The following TCF4 variants were observed in gnomAD, a reference collection of about 807,000 sequenced individuals.
TCF4 encodes SL3-3 enhancer factor 2.
Under a neutral mutation model 82.1 loss-of-function variants are expected in TCF4, and 3 were observed. The ratio of observed to expected loss-of-function variants is 0.04; its 90% CI spans 0.02 to 0.09. The LOEUF is 0.09. Among genes scored for constraint, TCF4 ranks in the 10% least tolerant of loss-of-function variants. The pLI is 1.00. For missense variants in TCF4, 518 were observed against 852.7 expected, an observed-to-expected ratio of 0.61 and a Z score of 4.89; for synonymous variants, 276 against 309.6, an observed-to-expected ratio of 0.89 and a Z score of 1.14.
At chr18:55,574,649 A>C (rs967290727) in intron 3 of TCF4, among the ~76,000 whole-genome samples, 1 of 152,234 alleles carries the variant, frequency 6.6e-6, no homozygotes, top group Admixed American at 6.5e-5. Context: ...AACATCATTT[A>C]TTTCAAAAGT....
upstream of TCF4, chr18:55,589,230 G>T (rs541139632): frequency 9.8e-7 from 1 of 1,023,906 alleles, no homozygotes; most frequent in Non-Finnish European, 1.2e-6. Flanking sequence ...TAAAACATCG[G>T]GATCGACATT....
At chr18:55,631,334 C>T in exon 2 of TCF4, 2 of 1,546,892 alleles carry the variant, frequency 1.3e-6, no homozygotes, top group Non-Finnish European at 1.7e-6. Flanking sequence ...CAGGTGTGAG[C>T]CACCATGCCC....
chr18:55,348,742 T>C (rs1046823472), intron 8 of TCF4, among the ~76,000 whole-genome samples: 1 of 152,210 alleles, frequency 6.6e-6, no homozygotes, highest in Non-Finnish European at 1.5e-5. Context: ...TCTAGATTTC[T>C]GCCTAATCTT....
intron 2 of TCF4, among the ~76,000 whole-genome samples, chr18:55,622,305 G>A (rs1442451782): frequency 1.3e-5 from 2 of 150,736 alleles, no homozygotes; most frequent in East Asian, 2.0e-4. Flanking sequence ...TCAGGAGATC[G>A]AGACCATCCT....
rs148187944 is a variant in TCF4, at chr18:55,250,642, A to C, written c.1350+3855T>G. On this transcript the variant is annotated intron_variant, in intron 15 of 19. Transcript: ENST00000354452. ...CACTGGGCTGTTGTGAAGACTGCCT[A>C]AGACAACACATGCAGAGCGCCTAGC... Among the ~76,000 whole-genome samples, 146 of 152,322 alleles carry C rather than the reference A, an allele frequency of 9.6e-4. 2 individuals carry two copies. The highest frequency in any genetic ancestry group is 3.2e-3 in the African/African-American group (135 of 41,576).
At chr18:55,270,638 A>G (rs2060157396) in intron 10 of TCF4, among the ~76,000 whole-genome samples, 1 of 152,158 alleles carries the variant, frequency 6.6e-6, no homozygotes. Flanking sequence ...ATCCTCACAT[A>G]GCTGGCAATG....
At chr18:55,290,590 C>T (rs2064822480) in intron 8 of TCF4, among the ~76,000 whole-genome samples, 2 of 152,130 alleles carry the variant, frequency 1.3e-5, no homozygotes, top group African/African-American at 4.8e-5. Context: ...ATGCTAACTA[C>T]ATTATAGTTT....
chr18:55,585,914 T>A, intron 2 of TCF4: 1 of 1,239,264 alleles, frequency 8.1e-7, no homozygotes. Flanking sequence ...CTCTCCAGCA[T>A]TTATTTCGAC....
chr18:55,329,263 C>T (rs1041738054), intron 8 of TCF4, among the ~76,000 whole-genome samples: 1 of 152,092 alleles, frequency 6.6e-6, no homozygotes, highest in African/African-American at 2.4e-5. Context: ...TGTTCTTTAA[C>T]TCAAAATAAA....
intron 6 of TCF4, among the ~76,000 whole-genome samples, chr18:55,396,545 T>C (rs1461133741): frequency 1.3e-5 from 2 of 152,102 alleles, no homozygotes; most frequent in Non-Finnish European, 2.9e-5. Flanking sequence ...CTACTGATGA[T>C]CAACCTTGTG....
At chr18:55,355,391 T>C (rs2083258760) in intron 6 of TCF4, among the ~76,000 whole-genome samples, 1 of 152,178 alleles carries the variant, frequency 6.6e-6, no homozygotes, top group Admixed American at 6.5e-5. Context: ...CTAACAGCCA[T>C]GGGGAAGTTT....
rs555860723 is a variant in TCF4 at position 55,468,671 on chromosome 18, C to T, written c.146-4534G>A. Among the ~76,000 whole-genome samples the T allele has an allele frequency of 5.0e-4, 76 of 152,250 alleles. 1 individual carries two copies. Among genetic ancestry groups the T allele is most frequent in the Non-Finnish European group, 8.8e-4 (60 of 68,010 alleles). ...GACACAAATAACATCTTGTGTGGTA[C>T]TGTACAATGGTGGGCTCATTAGTTC... On this transcript the variant is annotated intron_variant, in intron 3 of 19. Transcript: ENST00000354452.
At chr18:55,527,849 G>A (rs932248567) in intron 3 of TCF4, among the ~76,000 whole-genome samples, 5 of 152,008 alleles carry the variant, frequency 3.3e-5, no homozygotes, top group Admixed American at 1.3e-4. Flanking sequence ...GGTCAAAAAC[G>A]TATTTTCTGT....
At chr18:55,595,032 C>T (rs1012341061) in intron 2 of TCF4, among the ~76,000 whole-genome samples, 8 of 152,184 alleles carry the variant, frequency 5.3e-5, no homozygotes, top group African/African-American at 1.7e-4. Flanking sequence ...CCATTCCTGC[C>T]CTAGTCTCCC....
intron 2 of TCF4, among the ~76,000 whole-genome samples, chr18:55,621,673 ATACATTAT>A (rs2097719989): frequency 2.5e-4 from 9 of 36,144 alleles, no homozygotes; most frequent in South Asian, 1.1e-3. Context: ...ATTATATAAT[ATACATTAT>A]ATATTATATT....
At chr18:55,494,638 C>G (rs141183736) in intron 3 of TCF4, among the ~76,000 whole-genome samples, 4 of 152,100 alleles carry the variant, frequency 2.6e-5, no homozygotes, top group Middle Eastern at 3.4e-3. Context: ...GGATGCAAGT[C>G]ATCAGGAATG....
intron 6 of TCF4, among the ~76,000 whole-genome samples, chr18:55,393,903 T>C (rs751886893): frequency 6.6e-5 from 10 of 152,222 alleles, no homozygotes; most frequent in Non-Finnish European, 1.2e-4. Context: ...GCAGGAGTTA[T>C]TTAATTTTTT....
At chr18:55,264,589 A>ATTTTTTTT (rs752566917) in intron 11 of TCF4, 1 of 141,790 alleles carries the variant, frequency 7.1e-6, no homozygotes. Flanking sequence ...AAGTGGCAGA[A>ATTTTTTTT]TTTTTTTTTT....
chr18:55,301,115 T>C (rs537922293), intron 8 of TCF4, among the ~76,000 whole-genome samples: 4 of 152,030 alleles, frequency 2.6e-5, no homozygotes, highest in African/African-American at 9.7e-5. Context: ...TGGAAACCAC[T>C]CCCCAATTAC....
Sources: allele counts gnomAD v4.1 joint callset (sites outside exome capture counted in the v4.1 genomes callset), GRCh38; gene constraint gnomAD v4.1.1; transcripts MANE v1.5; gene names NCBI Gene and HGNC (gene_info 2026-07-23, HGNC 2026-07-21).